Variants in ADGRV1 observed in about 807,000 individuals in gnomAD.
ADGRV1 encodes the protein G-protein coupled receptor 98.
A neutral mutation model predicts 596.2 loss-of-function variants in ADGRV1; 359 were observed. That is an observed-to-expected ratio of 0.60 (90% CI 0.55 to 0.66). The LOEUF (loss-of-function observed/expected upper bound fraction) is 0.66, where lower values mean the gene tolerates loss of function less well. ADGRV1 is among the 30% of genes least tolerant of loss of function. ADGRV1 has a pLI of 0.00. For synonymous variants in ADGRV1, 2,681 were observed against 2,679.2 expected, an observed-to-expected ratio of 1.00 and a Z score of -0.02; for missense variants, 7,274 against 7,575.6, an observed-to-expected ratio of 0.96 and a Z score of 1.48.
intron 78 of ADGRV1, among the ~76,000 whole-genome samples, chr5:90,843,740 A>G (rs971402646): frequency 1.3e-5 from 2 of 152,220 alleles, no homozygotes; most frequent in African/African-American, 2.4e-5. Context: ...AGTGTGGGGA[A>G]CATTTTTGCA....
In ADGRV1 at chr5:90,676,135, T is replaced by G; in HGVS notation, c.5369T>G (p.Ile1790Arg). Residue 1790 changes from isoleucine (I) to arginine (R), a missense_variant, in exon 25 of 90, where the codon ATA becomes AGA. Ile to Arg is a moderately conservative substitution (Grantham distance 97). Transcript: ENST00000405460. ...QPGERYKYIF[I>R]NITDNSIPEL... ...GGAGAAAGATATAAATACATTTTCA[T>G]AAACATCACTGATAATTCTATTCCT... 1 of 1,605,320 alleles carries G rather than the reference T, an allele frequency of 6.2e-7. No individual in the cohort carries two copies. The highest frequency in any genetic ancestry group is 8.5e-7 in the Non-Finnish European group (1 of 1,174,626).
At chr5:91,051,264 C>G (rs1332480680) in intron 85 of ADGRV1, among the ~76,000 whole-genome samples, 1 of 152,124 alleles carries the variant, frequency 6.6e-6, no homozygotes, top group Non-Finnish European at 1.5e-5. Flanking sequence ...CACAATAATT[C>G]AACTAAACAG....
chr5:91,137,077 G>A (rs1794699108), intron 87 of ADGRV1, among the ~76,000 whole-genome samples: 1 of 152,150 alleles, frequency 6.6e-6, no homozygotes, highest in South Asian at 2.1e-4. Flanking sequence ...ACTGAGCTAT[G>A]AAAAATTGGC....
chr5:91,149,725 C>T (rs532031328), intron 87 of ADGRV1, among the ~76,000 whole-genome samples: 21 of 147,478 alleles, frequency 1.4e-4, no homozygotes, highest in Non-Finnish European at 2.8e-4. Flanking sequence ...CCCAGCTACT[C>T]GGGAGACTGA....
In ADGRV1 at chr5:90,644,734, C is replaced by T; in HGVS notation, c.2763C>T (p.Gly921=). The stretch of plus-strand genomic sequence containing the variant: ...TTTATGATGTAGTAAGAAATCGAGG[C>T]AACTTTGGTGATGTTAGTGTATCAT... The part of the protein sequence containing the change: ...SAVYDVVRNR[G]NFGDVSVSWV... The change falls in exon 15 of 90, where the codon GGC becomes GGT. Residue 921 remains glycine, a synonymous_variant. Coordinates refer to ENST00000405460, the MANE Select transcript of ADGRV1 (RefSeq NM_032119.4). 4 of 1,609,928 alleles carry T rather than the reference C, an allele frequency of 2.5e-6. No homozygotes were observed. The highest frequency in any genetic ancestry group is 3.4e-6 in the Non-Finnish European group (4 of 1,178,668).
intron 75 of ADGRV1, among the ~76,000 whole-genome samples, chr5:90,817,070 C>T (rs1251997356): frequency 1.3e-5 from 2 of 152,162 alleles, no homozygotes; most frequent in African/African-American, 4.8e-5. Flanking sequence ...CTTTCCAGCA[C>T]CTGTTGTTTC....
chr5:91,034,899 C>A (rs930734945), intron 85 of ADGRV1, among the ~76,000 whole-genome samples: 3 of 152,150 alleles, frequency 2.0e-5, no homozygotes, highest in South Asian at 2.1e-4. Context: ...GGTCCTCCCC[C>A]TTCAGCCTTC....
At chr5:90,958,366 T>C (rs1367747720) in intron 83 of ADGRV1, among the ~76,000 whole-genome samples, 2 of 148,184 alleles carry the variant, frequency 1.3e-5, no homozygotes, top group African/African-American at 2.5e-5. Flanking sequence ...TAGGGAAATA[T>C]AATTAACAAA....
chr5:90,585,683 G>A (rs1758664834), intron 1 of ADGRV1, among the ~76,000 whole-genome samples: 1 of 152,218 alleles, frequency 6.6e-6, no homozygotes, highest in African/African-American at 2.4e-5. Flanking sequence ...ATTGTCAGAA[G>A]CTGAAATTGA....
intron 5 of ADGRV1, among the ~76,000 whole-genome samples, chr5:90,623,432 G>C (rs1408237095): frequency 8.6e-5 from 13 of 151,534 alleles, no homozygotes; most frequent in Admixed American, 8.5e-4. Flanking sequence ...TTTTTTTTGA[G>C]ACAGGATCTT....
chr5:90,654,935 G>A (rs41308295), intron 20 of ADGRV1: 18,910 of 152,166 alleles, frequency 0.12, 1,406 homozygotes, highest in East Asian at 0.35. Context: ...ATTGGGGGAA[G>A]TGGGAGCTGG....
intron 83 of ADGRV1, among the ~76,000 whole-genome samples, chr5:90,896,052 A>G (rs536795678): frequency 6.6e-6 from 1 of 151,826 alleles, no homozygotes; most frequent in South Asian, 2.1e-4. Context: ...AAAATGATCA[A>G]GCTAACTGGA....
In ADGRV1 at chr5:90,810,212, AT is replaced by A. The variant is rs762109486; in HGVS notation, c.14973-20del. Reference sequence around the variant, plus strand: ...TATTTTTTAAAAAATCAATTTCTTCATGATTTAATTTTTTTCCCAGATCAGG... The same window carrying A: ...TATTTTTTAAAAAATCAATTTCTTCAGATTTAATTTTTTTCCCAGATCAGG... On this transcript the variant is annotated intron_variant, in intron 73 of 89. Transcript: ENST00000405460. 6.6e-7 allele frequency: 1 copy of A among 1,512,506 alleles called. No homozygotes were observed. The highest frequency in any genetic ancestry group is 1.4e-5 in the African/African-American group (1 of 71,122). The allele number at this position is 1,512,506 out of a possible 1,614,324, so 93.7% of individuals were successfully genotyped here. A position where few individuals can be genotyped will look rare whatever the true frequency, so the allele number is the denominator to read the frequency against.
chr5:90,992,330 T>C (rs1781040020), intron 85 of ADGRV1, among the ~76,000 whole-genome samples: 1 of 152,248 alleles, frequency 6.6e-6, no homozygotes, highest in Non-Finnish European at 1.5e-5. Flanking sequence ...AATACCTTGT[T>C]CTCTTAGTTT....
At chr5:90,595,156 T>TA (rs1760144882) in intron 1 of ADGRV1, among the ~76,000 whole-genome samples, 1 of 66,562 alleles carries the variant, frequency 1.5e-5, no homozygotes, top group African/African-American at 7.1e-5. Flanking sequence ...GCTGGCCGGG[T>TA]GGGGGGCTGA....
chr5:90,632,269 T>G (rs1765602995), intron 9 of ADGRV1, among the ~76,000 whole-genome samples: 1 of 152,222 alleles, frequency 6.6e-6, no homozygotes, highest in Non-Finnish European at 1.5e-5. Context: ...CAGTTGCTTT[T>G]GCTTTCATGG....
chr5:91,006,107 G>T (rs16869336), intron 85 of ADGRV1, among the ~76,000 whole-genome samples: 21,036 of 152,004 alleles, frequency 0.14, 1,963 homozygotes, highest in African/African-American at 0.24. Context: ...GATAGACATC[G>T]CCCATGTTCC....
rs1791452016 is a variant in ADGRV1, at chr5:91,102,292, C to T, written c.18384C>T (p.Tyr6128=). The change falls in exon 87 of 90, where the codon TAC becomes TAT. Residue 6128 remains tyrosine, a synonymous_variant. Coordinates refer to ENST00000405460, the MANE Select transcript of ADGRV1 (RefSeq NM_032119.4). The part of the protein sequence containing the change: ...TWLWGGLHMA[Y]RHFWMLVLFV... ...TTTGGGGAGGACTACACATGGCCTA[C>T]AGACACTTCTGGATGTTGGTTCTCT... 4 of 1,609,622 alleles carry T rather than the reference C, an allele frequency of 2.5e-6. No homozygotes were observed. The highest frequency in any genetic ancestry group is 3.4e-6 in the Non-Finnish European group (4 of 1,177,568).
At chr5:90,801,359 G>A (rs1168643283) in intron 70 of ADGRV1, among the ~76,000 whole-genome samples, 2 of 152,090 alleles carry the variant, frequency 1.3e-5, no homozygotes, top group Non-Finnish European at 2.9e-5. Flanking sequence ...GGAGCTAGGC[G>A]GGAAGGCACA....
Sources: allele counts gnomAD v4.1 joint callset (sites outside exome capture counted in the v4.1 genomes callset), GRCh38; gene constraint gnomAD v4.1.1; transcripts MANE v1.5; gene names NCBI Gene and HGNC (gene_info 2026-07-23, HGNC 2026-07-21).